PER1: variants seen among roughly 807,000 people sequenced by gnomAD.
PER1 encodes period circadian protein homolog 1.
A neutral mutation model predicts 125.9 loss-of-function variants in PER1; 87 were observed. The ratio of observed to expected loss-of-function variants is 0.69; its 90% CI spans 0.58 to 0.83. The LOEUF is 0.83. PER1 is among the 40% of genes least tolerant of loss of function. PER1 has a pLI of 0.00. For missense variants in PER1, 1,775 were observed against 1,722.8 expected (o/e 1.03, Z -0.54); for synonymous variants, 801 against 714.7 (o/e 1.12, Z -1.93).
chr17:8,141,940 C>T lies in PER1; in HGVS notation c.3465G>A (p.Val1155=), dbSNP rs1236198205. 3 of 1,613,890 alleles carry T rather than the reference C, an allele frequency of 1.9e-6. No individual in the cohort carries two copies. Among genetic ancestry groups the T allele is most frequent in the Admixed American group, 1.7e-5 (1 of 60,004 alleles). Residue 1155 remains valine (V), a synonymous_variant, in exon 22 of 23, where the codon GTG becomes GTA. Transcript: ENST00000317276. ...GGAGCCGCTCCCGATCCTGCTTCAG[C>T]ACAGAGGTCATGTCCCTGCCCAAGA... ...YQVPSRDMTS[V]LKQDRERLRA...
chr17:8,143,449 C>T lies in PER1; in HGVS notation c.2889G>A (p.Pro963=), dbSNP rs143585926. 2.2e-4 allele frequency: 350 copies of T among 1,605,702 alleles called. 2 individuals are homozygous for T. The African/African-American group carries it at 3.8e-3, about 17-fold the overall frequency. The change falls in exon 19 of 23, where the codon CCG becomes CCA. Residue 963 remains proline, a synonymous_variant. Coordinates refer to ENST00000317276, the MANE Select transcript of PER1 (RefSeq NM_002616.3). ...GAGAGTCCGGGCGGTGAGGAGGACTCGGGGCGAGGGCGGGCAAGGATGGAG... is the reference window on the plus strand; with the variant it reads ...GAGAGTCCGGGCGGTGAGGAGGACTTGGGGCGAGGGCGGGCAAGGATGGAG... ...SPSPSLPALA[P]SPPHRPDSPL...
In PER1 at chr17:8,149,649, C is replaced by T. The variant is rs771854103; in HGVS notation, c.666G>A (p.Val222=). 2 of 1,610,116 alleles carry T rather than the reference C, an allele frequency of 1.2e-6. No individual in the cohort carries two copies. Among genetic ancestry groups the T allele is most frequent in the Non-Finnish European group, 1.7e-6 (2 of 1,176,688 alleles). Residue 222 remains valine (V), a synonymous_variant, in exon 6 of 23, where the codon GTG becomes GTA. Transcript: ENST00000317276. ...TTCGGCCCGTCAGGAAGGAGACAGC[C>T]ACTGAGAAGGTATCCTGGCAGGAGG... is the stretch of plus-strand genomic sequence containing the variant. ...YTLQNQDTFS[V]AVSFLTGRIV...
intron 18 of PER1, chr17:8,144,503 C>G (rs1217061307): frequency 1.5e-5 from 8 of 520,880 alleles, no homozygotes; most frequent in Non-Finnish European, 2.4e-5. Flanking sequence ...AGTCGCTTAC[C>G]TGGAGACAGC....
Position 8,147,104 on chromosome 17 carries a change from C to T in PER1, c.1630-102G>A, listed in dbSNP as rs548748766. 292 of 1,394,064 alleles carry T rather than the reference C, an allele frequency of 2.1e-4. 5 individuals carry two copies. In the South Asian group the frequency reaches 2.5e-3, roughly 12 times the overall value. The allele number at this position is 1,394,064 out of a possible 1,614,324, so 86.4% of individuals were successfully genotyped here. ...GAAGGTACCAGTGGGGAGGCACAGA[C>T]GCCTTGATGGGAGCAGGACAAGAAG... is the stretch of plus-strand genomic sequence containing the variant. On this transcript the variant is annotated intron_variant, in intron 13 of 22. Transcript: ENST00000317276.
Position 8,143,622 on chromosome 17 carries a change from G to C in PER1, c.2716C>G (p.Pro906Ala), listed in dbSNP as rs992518770. 1 of 1,448,494 alleles carries C rather than the reference G, an allele frequency of 6.9e-7. No homozygotes were observed. The highest frequency in any genetic ancestry group is 1.4e-5 in the African/African-American group (1 of 69,830). 89.7% of individuals were successfully genotyped at this position (1,448,494 alleles called of 1,614,324 possible). A position where few individuals can be genotyped will look rare whatever the true frequency, so the allele number is the denominator to read the frequency against. The change falls in exon 19 of 23, where the codon CCC (proline) becomes GCC (alanine). Residue 906 changes from proline (P) to alanine (A), a missense_variant. Pro to Ala is a conservative substitution (Grantham distance 27). Coordinates refer to ENST00000317276, the MANE Select transcript of PER1 (RefSeq NM_002616.3). ...QPLPPAPTSV[P>A]PAAFPAPLVT... ...AAAGGGGCGGGGAAAGCAGCTGGGG[G>C]CACAGATGTGGGAGCAGGGGGAAGA...
At position 8,146,403 on chromosome 17, in the gene PER1, C is replaced by T. The variant is rs1598251812; in HGVS notation, c.2007G>A (p.Arg669=). Residue 669 remains arginine, a synonymous_variant, in exon 16 of 23, where the codon AGG becomes AGA. Coordinates refer to ENST00000317276, the MANE Select transcript of PER1 (RefSeq NM_002616.3). ...TGGTCCCCACAGAGACTGGACCTGT[C>T]CTCTGCCTGTCGTCGTCAGAGGCTG... The part of the protein sequence containing the change: ...TSSASDDDRQ[R]TGPVSVGTKK... The T allele has an allele frequency of 6.2e-7, 1 of 1,612,358 alleles. No individual in the cohort carries two copies. The highest frequency in any genetic ancestry group is 1.1e-5 in the South Asian group (1 of 90,748).
rs1315621033 is a variant in PER1, at chr17:8,144,857, C to T, written c.2355G>A (p.Leu785=). Residue 785 remains leucine, a synonymous_variant, in exon 18 of 23, where the codon CTG becomes CTA. Transcript: ENST00000317276. ...PVGLTKAVLS[L]HTQKEEQAFL... ...AGGCTTGCTCTTCCTTCTGTGTGTGCAGGGACAGCACGGCCTTGGTCAGCC... is the reference window on the plus strand; with the variant it reads ...AGGCTTGCTCTTCCTTCTGTGTGTGTAGGGACAGCACGGCCTTGGTCAGCC... The T allele has an allele frequency of 1.9e-6, 3 of 1,583,408 alleles. No individual in the cohort carries two copies. The highest frequency in any genetic ancestry group is 1.7e-6 in the Non-Finnish European group (2 of 1,163,014).
In PER1 at chr17:8,150,767, G is replaced by C; in HGVS notation, c.-61C>G. 7.0e-7 allele frequency: 1 copy of C among 1,438,744 alleles called. No homozygotes were observed. Among genetic ancestry groups the C allele is most frequent in the Non-Finnish European group, 9.2e-7 (1 of 1,081,746 alleles). 89.1% of individuals were successfully genotyped at this position (1,438,744 alleles called of 1,614,324 possible). A position where few individuals can be genotyped will look rare whatever the true frequency, so the allele number is the denominator to read the frequency against. On this transcript the variant is annotated 5_prime_UTR_variant, in exon 2 of 23. Transcript: ENST00000317276. Reference sequence around the variant, plus strand: ...GAGAGGCCACCACGGATGCACGAGGGGGCCTGGAGGCTTGGCTGAGGGAGT... The same window carrying C: ...GAGAGGCCACCACGGATGCACGAGGCGGCCTGGAGGCTTGGCTGAGGGAGT...
rs749446500 is a variant in PER1 at position 8,143,253 on chromosome 17, G to A, written c.3072+13C>T. The A allele has an allele frequency of 2.0e-6, 3 of 1,492,538 alleles. No homozygotes were observed. The highest frequency in any genetic ancestry group is 2.7e-6 in the Non-Finnish European group (3 of 1,118,554). The allele number at this position is 1,492,538 out of a possible 1,614,324, so 92.5% of individuals were successfully genotyped here. A position where few individuals can be genotyped will look rare whatever the true frequency, so the allele number is the denominator to read the frequency against. ...GTGGGGGCTGGCAGGCAGACGCAGG[G>A]GTCAGTGCTCACCAGTCTGGCCTCT... On this transcript the variant is annotated intron_variant, in intron 19 of 22. Coordinates refer to ENST00000317276, the MANE Select transcript of PER1 (RefSeq NM_002616.3).
At position 8,149,809 on chromosome 17, in the gene PER1, G is replaced by A; in HGVS notation, c.597C>T (p.Thr199=). Residue 199 remains threonine (T), a synonymous_variant, in exon 5 of 23, where the codon ACC becomes ACT. Coordinates refer to ENST00000317276, the MANE Select transcript of PER1 (RefSeq NM_002616.3). ...TGTGCTCCAGCTCCTCCAGGGTATA[G>A]GTGGACATGTCCATGGAGCAAGGCT... is the stretch of plus-strand genomic sequence containing the variant. ...EGEPCSMDMS[T]YTLEELEHIT... is the part of the protein sequence containing the mutation. The A allele has an allele frequency of 1.9e-6, 3 of 1,613,854 alleles. No homozygotes were observed. Among genetic ancestry groups the A allele is most frequent in the Middle Eastern group, 1.6e-4 (1 of 6,062 alleles).
chr17:8,151,036 G>T (rs1982831093), intron 1 of PER1, among the ~76,000 whole-genome samples, 191 bp from the exon 2 acceptor site: 1 of 152,166 alleles, frequency 6.6e-6, no homozygotes, highest in Non-Finnish European at 1.5e-5. Flanking sequence ...GCGGGAGAAG[G>T]TTCTCCGGGG....
Position 8,143,551 on chromosome 17 carries a change from TG to T in PER1, c.2786del (p.Pro929GlnfsTer193). On this transcript the variant is annotated frameshift_variant, in exon 19 of 23. Coordinates refer to ENST00000317276, the MANE Select transcript of PER1 (RefSeq NM_002616.3). LOFTEE classifies it high-confidence loss of function. ...VALVLPNYLFPTPSSYPYGAL... is the reference protein window; with the variant it reads ...VALVLPNYLFXTPSSYPYGAL... ...CCCCATAAGGATAGCTGGATGGGGT[TG>T]GGAACAGATAGTTAGGGAGCACCAA... The T allele has an allele frequency of 6.7e-7, 1 of 1,485,792 alleles. No homozygotes were observed. The highest frequency in any genetic ancestry group is 9.0e-7 in the Non-Finnish European group (1 of 1,113,764). The allele number at this position is 1,485,792 out of a possible 1,614,324, so 92.0% of individuals were successfully genotyped here. A position where few individuals can be genotyped will look rare whatever the true frequency, so the allele number is the denominator to read the frequency against.
chr17:8,144,097 G>A lies in PER1; in HGVS notation c.2462-221C>T, dbSNP rs983819609. 9.1e-6 allele frequency: 6 copies of A among 659,606 alleles called. No individual in the cohort carries two copies. In the African/African-American group the frequency reaches 9.3e-5, roughly 10 times the overall value. The allele number at this position is 659,606 out of a possible 1,614,324, so 40.9% of individuals were successfully genotyped here. ...TTATTGAGAAAGGAACAAGGCCAGG[G>A]AGAGGTTACACGAGGGGTCGAGCTG... is the stretch of plus-strand genomic sequence containing the variant. On this transcript the variant is annotated intron_variant, in intron 18 of 22. Transcript: ENST00000317276.
Position 8,142,848 on chromosome 17 carries a change from A to G in PER1, c.3073-13T>C. 6.4e-7 allele frequency: 1 copy of G among 1,574,758 alleles called. No individual in the cohort carries two copies. The highest frequency in any genetic ancestry group is 8.6e-7 in the Non-Finnish European group (1 of 1,163,322). The stretch of plus-strand genomic sequence containing the variant: ...CAGTGACCTCCGCCTGGAGGAGGGG[A>G]GGGGGGCAAGGAGGGATGGAGGGGT... On this transcript the variant is annotated splice_polypyrimidine_tract_variant and intron_variant, in intron 19 of 22. Transcript: ENST00000317276.
Position 8,147,524 on chromosome 17 carries a change from G to T in PER1, c.1443C>A (p.Ser481=). 6.2e-7 allele frequency: 1 copy of T among 1,613,922 alleles called. No individual in the cohort carries two copies. The highest frequency in any genetic ancestry group is 8.5e-7 in the Non-Finnish European group (1 of 1,179,922). ...ACAGCTCCTGGATATCAGTGTCCAG[G>T]GAGGGAGCTGGGCTGGGGGCCGGGG... is the stretch of plus-strand genomic sequence containing the variant. ...FTPPAPSPAP[S]LDTDIQELSE... The change falls in exon 12 of 23, where the codon TCC becomes TCA. Residue 481 remains serine (S), a synonymous_variant. Transcript: ENST00000317276.
In PER1 at chr17:8,146,656, G is replaced by A. The variant is rs200044984; in HGVS notation, c.1845C>T (p.Ala615=). ...AGCAGCTGGAGGCTTCTTTCCTCTC[G>A]GCCTCCTCAGGGACCAAGGCTAGTG... is the stretch of plus-strand genomic sequence containing the variant. ...QAPLALVPEE[A]ERKEASSCSY... Residue 615 remains alanine (A), a synonymous_variant, in exon 15 of 23, where the codon GCC becomes GCT. Coordinates refer to ENST00000317276, the MANE Select transcript of PER1 (RefSeq NM_002616.3). The A allele has an allele frequency of 3.5e-5, 56 of 1,613,832 alleles. No homozygotes were observed. In the Admixed American group the frequency reaches 8.2e-4, roughly 24 times the overall value.
chr17:8,146,855 C>G (rs772210538), intron 14 of PER1, 42 bp downstream of exon 14: 18 of 1,608,500 alleles, frequency 1.1e-5, no homozygotes, highest in Non-Finnish European at 1.5e-5. Flanking sequence ...TCAGGGGACC[C>G]CCCAGGTCTG....
At position 8,146,905 on chromosome 17, in the gene PER1, C is replaced by T. The variant is rs139356540; in HGVS notation, c.1727G>A (p.Arg576His). The part of the protein sequence containing the change: ...ESRARPQSRP[R>H]LPATGTFKAK... ...CATCATCATCAACTCACCAGGGAGG[C>T]GGGGCCGGGACTGAGGCCGGGCCCG... The change falls in exon 14 of 23, where the codon CGC (arginine) becomes CAC (histidine). Residue 576 changes from arginine (R) to histidine (H), a missense_variant. Physicochemically the swap from Arg to His is conservative, Grantham distance 29. Coordinates refer to ENST00000317276, the MANE Select transcript of PER1 (RefSeq NM_002616.3). 29 of 1,613,482 alleles carry T rather than the reference C, an allele frequency of 1.8e-5. No homozygotes were observed. The highest frequency in any genetic ancestry group is 1.6e-4 in the African/African-American group (12 of 75,028).
At position 8,142,400 on chromosome 17, in the gene PER1, A is replaced by C; in HGVS notation, c.3318T>G (p.Ala1106=). Residue 1106 remains alanine (A), a synonymous_variant, in exon 21 of 23, where the codon GCT becomes GCG. Transcript: ENST00000317276. ...KYFGSIDSSE[A]EAGAARGGAE... is the part of the protein sequence containing the mutation. ...CCCCGCCCCGAGCAGCCCCAGCCTC[A>C]GCCTCGGAAGAGTCGATGCTGCCAA... 6.2e-7 allele frequency: 1 copy of C among 1,609,352 alleles called. No individual in the cohort carries two copies.
Sources: gnomAD v4.1 joint callset for allele counts (sites outside exome capture counted in the v4.1 genomes callset) on GRCh38, gnomAD v4.1.1 for gene constraint, MANE v1.5 for transcripts, NCBI Gene and HGNC (gene_info 2026-07-23, HGNC 2026-07-21) for gene names.